Variants in KANSL1L observed in about 807,000 individuals in gnomAD.
KANSL1L encodes KAT8 regulatory NSL complex subunit 1 like.
A neutral mutation model predicts 108.6 loss-of-function variants in KANSL1L; 25 were observed. The observed-to-expected ratio is 0.23, with a 90% CI of 0.17 to 0.32. The LOEUF (loss-of-function observed/expected upper bound fraction) is 0.32, where lower values mean the gene tolerates loss of function less well. Ranked by LOEUF, KANSL1L falls within the 10% of genes least tolerant of loss-of-function variation. The probability of loss-of-function intolerance (pLI) is 1.00; values close to 1 mark genes in which losing one functional copy is unlikely to be tolerated. For missense variants in KANSL1L, 1,137 were observed against 1,125.7 expected (o/e 1.01, Z -0.14); for synonymous variants, 405 against 395.1 (o/e 1.03, Z -0.30).
intron 3 of KANSL1L, among the ~76,000 whole-genome samples, chr2:210,109,656 T>C (rs760274964): frequency 1.3e-5 from 2 of 152,128 alleles, no homozygotes; most frequent in Non-Finnish European, 2.9e-5. Flanking sequence ...GGACCAATAT[T>C]GTGAGAGCTT....
intron 4 of KANSL1L, among the ~76,000 whole-genome samples, chr2:210,098,928 C>T (rs932052742): frequency 7.9e-5 from 12 of 151,166 alleles, no homozygotes; most frequent in Non-Finnish European, 1.3e-4. Flanking sequence ...AAAACAATCA[C>T]AATTATAATA....
At chr2:210,104,537 T>A (rs1387940486) in intron 3 of KANSL1L, among the ~76,000 whole-genome samples, 1 of 152,128 alleles carries the variant, frequency 6.6e-6, no homozygotes, top group Non-Finnish European at 1.5e-5. Flanking sequence ...ATACATGCAG[T>A]TTTTTTCTAA....
chr2:210,066,954 T>C (rs1223944882), intron 6 of KANSL1L, among the ~76,000 whole-genome samples: 1 of 152,194 alleles, frequency 6.6e-6, no homozygotes, highest in Non-Finnish European at 1.5e-5. Flanking sequence ...CAGATTAACA[T>C]TTGAATCAGT....
chr2:210,112,572 A>C (rs1485353146), intron 3 of KANSL1L, among the ~76,000 whole-genome samples: 2 of 152,172 alleles, frequency 1.3e-5, no homozygotes, highest in Non-Finnish European at 2.9e-5. Context: ...GTGTCCAGAG[A>C]CCCAAATGTC....
intron 3 of KANSL1L, among the ~76,000 whole-genome samples, chr2:210,116,508 C>T (rs925661606): frequency 2.6e-5 from 4 of 152,150 alleles, no homozygotes; most frequent in African/African-American, 7.2e-5. Flanking sequence ...GTCCTTGTGT[C>T]ACGCCTCTCC....
Position 210,112,512 on chromosome 2 carries a change from G to A in KANSL1L, c.1231-8211C>T, listed in dbSNP as rs529594443. On this transcript the variant is annotated intron_variant, in intron 3 of 14. Coordinates refer to ENST00000281772, the MANE Select transcript of KANSL1L (RefSeq NM_152519.4). ...CACCAAAGTAAAATACCATTTAAGAGTGAGGGTAAAATGAAGATATTCTGA... is the reference window on the plus strand; with the variant it reads ...CACCAAAGTAAAATACCATTTAAGAATGAGGGTAAAATGAAGATATTCTGA... 2.6e-5 allele frequency among the ~76,000 whole-genome samples: 4 copies of A among 152,302 alleles called. No individual in the cohort carries two copies. In the South Asian group the frequency reaches 6.2e-4, roughly 24 times the overall value.
intron 3 of KANSL1L, among the ~76,000 whole-genome samples, chr2:210,118,504 A>G (rs541294726): frequency 1.7e-4 from 26 of 151,716 alleles, no homozygotes; most frequent in African/African-American, 5.5e-4. Context: ...AAGAAAAAAT[A>G]GAAAATTTTA....
chr2:210,167,877 G>A (rs192037239), intron 1 of KANSL1L, among the ~76,000 whole-genome samples: 23 of 151,970 alleles, frequency 1.5e-4, no homozygotes, highest in Non-Finnish European at 2.7e-4. Context: ...TAATAGTACC[G>A]TTTTTATTAA....
At position 210,121,708 on chromosome 2, in the gene KANSL1L, A is replaced by G. The variant is rs141245259; in HGVS notation, c.1230+7323T>C. Among the ~76,000 whole-genome samples the G allele has an allele frequency of 1.7e-3, 266 of 152,288 alleles. 1 individual carries two copies. Among genetic ancestry groups the G allele is most frequent in the African/African-American group, 6.1e-3 (252 of 41,554 alleles). On this transcript the variant is annotated intron_variant, in intron 3 of 14. Transcript: ENST00000281772. ...GGGGGGCAAATTTTTTAAAAAAGAA[A>G]AAGAAATAAAGGGCATCCACATCAG...
chr2:210,109,667 CT>C (rs1233880616), intron 3 of KANSL1L, among the ~76,000 whole-genome samples: 1 of 152,078 alleles, frequency 6.6e-6, no homozygotes, highest in African/African-American at 2.4e-5. Flanking sequence ...GTGAGAGCTT[CT>C]TACCCTAGGT....
At chr2:210,034,500 T>C (rs974513827) in intron 8 of KANSL1L, among the ~76,000 whole-genome samples, 1 of 152,084 alleles carries the variant, frequency 6.6e-6, no homozygotes, top group Non-Finnish European at 1.5e-5. Flanking sequence ...CCTATGTAGA[T>C]AGGGCTTTAA....
intron 6 of KANSL1L, among the ~76,000 whole-genome samples, chr2:210,064,886 A>G (rs529754061): frequency 4.0e-5 from 6 of 151,742 alleles, no homozygotes; most frequent in Admixed American, 3.9e-4. Context: ...AAAGTGGAGT[A>G]TAGAAGGAGT....
Position 210,025,112 on chromosome 2 carries a change from T to C in KANSL1L, c.2556A>G (p.Arg852=), listed in dbSNP as rs373097635. 78 of 1,603,396 alleles carry C rather than the reference T, an allele frequency of 4.9e-5. No homozygotes were observed. The highest frequency in any genetic ancestry group is 6.4e-5 in the Non-Finnish European group (75 of 1,170,350). Residue 852 remains arginine (R), a synonymous_variant, in exon 13 of 15, where the codon AGA becomes AGG. Coordinates refer to ENST00000281772, the MANE Select transcript of KANSL1L (RefSeq NM_152519.4). The part of the protein sequence containing the change: ...SLWEQSKWHR[R]NSRAYSKNVE... ...TTAAATTTGTAACCTGCCTGCTGTTTCTTCTGTGCCACTTGCTTTGCTCCC... is the reference window on the plus strand; with the variant it reads ...TTAAATTTGTAACCTGCCTGCTGTTCCTTCTGTGCCACTTGCTTTGCTCCC...
At chr2:210,162,158 C>T (rs886981587) in intron 1 of KANSL1L, among the ~76,000 whole-genome samples, 37 of 143,216 alleles carry the variant, frequency 2.6e-4, no homozygotes, top group African/African-American at 8.2e-4. Flanking sequence ...AATTGGTCTT[C>T]ATATCCAAGT....
intron 12 of KANSL1L, among the ~76,000 whole-genome samples, chr2:210,026,788 T>C (rs911515319): frequency 1.3e-5 from 2 of 152,226 alleles, no homozygotes; most frequent in Non-Finnish European, 2.9e-5. Context: ...TTTTTCTTTT[T>C]GAAACGGAGT....
intron 1 of KANSL1L, 78 bp downstream of exon 1, chr2:210,171,071 C>T (rs1415757046): frequency 1.3e-5 from 2 of 152,526 alleles, no homozygotes; most frequent in African/African-American, 2.4e-5. Context: ...GCAGTCTTCT[C>T]CCCTCCCCGC....
chr2:210,133,069 T>C (rs906727600), intron 2 of KANSL1L, among the ~76,000 whole-genome samples: 1 of 152,164 alleles, frequency 6.6e-6, no homozygotes, highest in Admixed American at 6.6e-5. Flanking sequence ...GCTTAAATTG[T>C]TGAATTTATT....
intron 1 of KANSL1L, among the ~76,000 whole-genome samples, chr2:210,154,933 C>A (rs1330357956): frequency 6.6e-6 from 1 of 151,796 alleles, no homozygotes; most frequent in African/African-American, 2.4e-5. Flanking sequence ...AAAAAAAAAT[C>A]CAGCCTATAA....
chr2:210,135,938 A>C (rs2125569792), intron 2 of KANSL1L, among the ~76,000 whole-genome samples: 1 of 152,220 alleles, frequency 6.6e-6, no homozygotes, highest in South Asian at 2.1e-4. Flanking sequence ...AGTTGTACAC[A>C]CACAATATAG....
Sources: gnomAD v4.1 joint callset for allele counts (sites outside exome capture counted in the v4.1 genomes callset) on GRCh38, gnomAD v4.1.1 for gene constraint, MANE v1.5 for transcripts, NCBI Gene and HGNC (gene_info 2026-07-23, HGNC 2026-07-21) for gene names.